NCOA2: variants seen among roughly 807,000 people sequenced by gnomAD.
NCOA2 encodes the protein nuclear receptor coactivator 2.
A neutral mutation model predicts 145.1 loss-of-function variants in NCOA2; 21 were observed. The ratio of observed to expected loss-of-function variants is 0.14; its 90% confidence interval spans 0.10 to 0.21. NCOA2 has a LOEUF of 0.21. NCOA2 is among the 10% of genes least tolerant of loss of function. The probability of loss-of-function intolerance (pLI) is 1.00; values close to 1 mark genes in which losing one functional copy is unlikely to be tolerated. For synonymous variants in NCOA2, 619 were observed against 637.5 expected (o/e 0.97, Z 0.44); for missense variants, 1,472 against 1,837.6 (o/e 0.80, Z 3.64).
intron 1 of NCOA2, among the ~76,000 whole-genome samples, chr8:70,363,620 C>G (rs1345441157): frequency 6.6e-6 from 1 of 152,106 alleles, no homozygotes; most frequent in Non-Finnish European, 1.5e-5. Flanking sequence ...AAGGAATAAA[C>G]TACTCATACA....
chr8:70,370,710 CA>C lies in NCOA2; in HGVS notation c.-77+32989del, dbSNP rs201426645. 1.7e-3 allele frequency among the ~76,000 whole-genome samples: 243 copies of C among 142,196 alleles called. 1 individual carries two copies. In the South Asian group the frequency reaches 0.02, roughly 12 times the overall value. 93.3% of individuals were successfully genotyped at this position (142,196 alleles called of 152,430 possible). ...CACGTACGTTATTTATTCCTTATTTCAAAAAAAAAATACTTTTGTGAACAGG... is the reference window on the plus strand; with the variant it reads ...CACGTACGTTATTTATTCCTTATTTCAAAAAAAAATACTTTTGTGAACAGG... On this transcript the variant is annotated intron_variant, in intron 1 of 22. Coordinates refer to ENST00000452400, the MANE Select transcript of NCOA2 (RefSeq NM_006540.4).
intron 1 of NCOA2, among the ~76,000 whole-genome samples, chr8:70,321,202 G>GTAT (rs1490170119): frequency 6.6e-6 from 1 of 152,072 alleles, no homozygotes; most frequent in African/African-American, 2.4e-5. Flanking sequence ...TAACAACAGT[G>GTAT]TATTATACAC....
chr8:70,401,102 T>TAC (rs146658541), intron 1 of NCOA2, among the ~76,000 whole-genome samples: 251 of 150,068 alleles, frequency 1.7e-3, no homozygotes, highest in African/African-American at 5.5e-3. Flanking sequence ...CACACACACA[T>TAC]ACACACACAC....
chr8:70,232,870 T>TACACACACTTACACACACACACACAC (rs1821254297), intron 2 of NCOA2, among the ~76,000 whole-genome samples: 1 of 145,232 alleles, frequency 6.9e-6, no homozygotes, highest in South Asian at 2.2e-4. Context: ...ATTTAGAATT[T>TACACACACTTACACACACACACACAC]ACACACACAC....
rs1256389655 is a variant in NCOA2 at position 70,111,292 on chromosome 8, G to C, written c.*2340C>G. The C allele has an allele frequency of 1.8e-5, 4 of 226,580 alleles. No homozygotes were observed. Among genetic ancestry groups the C allele is most frequent in the Non-Finnish European group, 8.8e-6 (1 of 114,000 alleles). The allele number at this position is 226,580 out of a possible 1,614,324, so 14.0% of individuals were successfully genotyped here. On this transcript the variant is annotated 3_prime_UTR_variant, in exon 23 of 23. Coordinates refer to ENST00000452400, the MANE Select transcript of NCOA2 (RefSeq NM_006540.4). Reference sequence around the variant, plus strand: ...GTTTTGGACGGTGTTGTAGTGAAAAGGGACTTGAAACTCAAAACAAAACAA... The same window carrying C: ...GTTTTGGACGGTGTTGTAGTGAAAACGGACTTGAAACTCAAAACAAAACAA...
chr8:70,199,506 A>G (rs1170257530), intron 4 of NCOA2, among the ~76,000 whole-genome samples: 1 of 151,634 alleles, frequency 6.6e-6, no homozygotes, highest in African/African-American at 2.4e-5. Flanking sequence ...CAGCTACCAG[A>G]GAAGCTAGGC....
chr8:70,147,257 C>A (rs189041030), intron 12 of NCOA2, among the ~76,000 whole-genome samples: 5 of 152,080 alleles, frequency 3.3e-5, no homozygotes, highest in African/African-American at 1.2e-4. Context: ...CTCGGCCTCC[C>A]GAGTAGCTGG....
chr8:70,209,691 T>G (rs527900896), intron 4 of NCOA2, among the ~76,000 whole-genome samples: 1 of 152,348 alleles, frequency 6.6e-6, no homozygotes, highest in East Asian at 1.9e-4. Flanking sequence ...TTATAGCACT[T>G]TCTAGCATTA....
intron 21 of NCOA2, among the ~76,000 whole-genome samples, chr8:70,123,264 A>G (rs1283887754): frequency 1.3e-5 from 2 of 152,254 alleles, no homozygotes; most frequent in Non-Finnish European, 1.5e-5. Context: ...GTCTCTTTGC[A>G]TAAATGAAGG....
chr8:70,385,376 C>A (rs950024289), intron 1 of NCOA2, among the ~76,000 whole-genome samples: 1 of 152,206 alleles, frequency 6.6e-6, no homozygotes, highest in Non-Finnish European at 1.5e-5. Flanking sequence ...AGTGCTACAC[C>A]AAACTGCCTT....
At chr8:70,213,753 G>T in intron 4 of NCOA2, 150 bp downstream of exon 4, 1 of 674,590 alleles carries the variant, frequency 1.5e-6, no homozygotes, top group Non-Finnish European at 2.4e-6. Flanking sequence ...CACTGCAAGT[G>T]ATACTTGCAT....
intron 1 of NCOA2, among the ~76,000 whole-genome samples, chr8:70,335,497 G>T (rs1807508262): frequency 6.6e-6 from 1 of 152,188 alleles, no homozygotes; most frequent in African/African-American, 2.4e-5. Flanking sequence ...GGACAGTTTA[G>T]TTACTGTTAA....
chr8:70,122,087 A>G (rs1208000151), intron 21 of NCOA2, among the ~76,000 whole-genome samples: 1 of 152,222 alleles, frequency 6.6e-6, no homozygotes, highest in Non-Finnish European at 1.5e-5. Flanking sequence ...AGCAGACTGG[A>G]CTAAGATCGT....
chr8:70,442,103 AC>A, the NCOA2 span, among the ~76,000 whole-genome samples: 2 of 79,262 alleles, frequency 2.5e-5, no homozygotes, highest in Non-Finnish European at 6.4e-5. Context: ...GAAAGAAGAA[AC>A]AGAGAAAGAA....
Position 70,124,820 on chromosome 8 carries a change from G to A in NCOA2, c.3962C>T (p.Pro1321Leu). The A allele has an allele frequency of 6.2e-7, 1 of 1,612,888 alleles. No homozygotes were observed. The highest frequency in any genetic ancestry group is 8.5e-7 in the Non-Finnish European group (1 of 1,179,516). Residue 1321 changes from proline to leucine, a missense_variant, in exon 20 of 23, where the codon CCC becomes CTC. Around this residue, in one of 4 missense-constraint regions of NCOA2, gnomAD observed 232 missense variants for 290.6 expected, o/e 0.80. Transcript: ENST00000452400. ...PDPGFTGATT[P>L]QSPLMSPRMA... ...TCGGGGTGACATAAGTGGGCTCTGGGGAGTCGTAGCCCCAGTAAAGCCTGG... is the reference window on the plus strand; with the variant it reads ...TCGGGGTGACATAAGTGGGCTCTGGAGAGTCGTAGCCCCAGTAAAGCCTGG...
chr8:70,162,911 ATTTTTTTTT>A (rs10641831), intron 8 of NCOA2, 57 bp from the exon 9 acceptor site: 6 of 921,868 alleles, frequency 6.5e-6, no homozygotes, highest in Middle Eastern at 3.8e-4. Context: ...TATGGAAATA[ATTTTTTTTT>A]TTTTTTTTTT....
intron 2 of NCOA2, among the ~76,000 whole-genome samples, chr8:70,288,568 G>A (rs972823524): frequency 8.1e-5 from 12 of 147,432 alleles, no homozygotes; most frequent in African/African-American, 1.0e-4. Flanking sequence ...GCAACAGAGC[G>A]AAACCCTGTC....
intron 12 of NCOA2, among the ~76,000 whole-genome samples, chr8:70,147,140 G>C (rs996934371): frequency 6.6e-6 from 1 of 151,904 alleles, no homozygotes; most frequent in Non-Finnish European, 1.5e-5. Flanking sequence ...GTGTGTGTGT[G>C]TGTGTGTTCT....
At chr8:70,117,711 G>A (rs1038319407) in intron 22 of NCOA2, among the ~76,000 whole-genome samples, 1 of 152,180 alleles carries the variant, frequency 6.6e-6, no homozygotes, top group Admixed American at 6.5e-5. Flanking sequence ...GGGGTCAGCC[G>A]GCCTGGATTT....
Sources: gnomAD v4.1 joint callset for allele counts (sites outside exome capture counted in the v4.1 genomes callset) on GRCh38, gnomAD v4.1.1 for gene constraint, gnomAD v4.1.1 regional missense constraint, MANE v1.5 for transcripts, NCBI Gene and HGNC (gene_info 2026-07-23, HGNC 2026-07-21) for gene names.